RNF157: variants seen among roughly 807,000 people sequenced by gnomAD.
RNF157 encodes the protein ring finger protein 157, also known as E3 ubiquitin ligase RNF157.
Under a neutral mutation model 88.3 loss-of-function variants are expected in RNF157, and 55 were observed. The ratio of observed to expected loss-of-function variants is 0.62; its 90% CI spans 0.50 to 0.78. The LOEUF (loss-of-function observed/expected upper bound fraction) is 0.78. RNF157 is among the 30% of genes least tolerant of loss of function. The pLI, the probability that RNF157 is intolerant of heterozygous loss-of-function variation, is 0.00. For synonymous variants in RNF157, 334 were observed against 341.2 expected (o/e 0.98, Z 0.23); for missense variants, 788 against 860.8 (o/e 0.92, Z 1.06).
chr17:76,192,733 G>T (rs974735627), intron 2 of RNF157, among the ~76,000 whole-genome samples: 18 of 152,164 alleles, frequency 1.2e-4, no homozygotes, highest in African/African-American at 4.3e-4. Context: ...TTCTGCCAGT[G>T]AGTTGTATGA....
intron 2 of RNF157, among the ~76,000 whole-genome samples, chr17:76,202,128 T>TCTCTCTCTCTCTCACACACA (rs1250661867): frequency 7.4e-6 from 1 of 134,602 alleles, no homozygotes; most frequent in African/African-American, 3.1e-5. Context: ...TCTCTCTCTC[T>TCTCTCTCTCTCTCACACACA]CACACACACA....
At chr17:76,178,448 C>T (rs1032835462) in intron 2 of RNF157, among the ~76,000 whole-genome samples, 6 of 152,256 alleles carry the variant, frequency 3.9e-5, no homozygotes, top group Non-Finnish European at 7.3e-5. Flanking sequence ...CTCTCGCTCA[C>T]ACACCCCTTG....
intron 2 of RNF157, among the ~76,000 whole-genome samples, chr17:76,193,161 A>T (rs931275415): frequency 5.9e-5 from 9 of 152,134 alleles, no homozygotes; most frequent in African/African-American, 1.9e-4. Flanking sequence ...ATAACTTAAC[A>T]TCTCTGAGCA....
At position 76,240,083 on chromosome 17, in the gene RNF157, G is replaced by A. The variant is rs1359478080; in HGVS notation, c.88+70C>T. 4 of 982,160 alleles carry A rather than the reference G, an allele frequency of 4.1e-6. No individual in the cohort carries two copies. In the East Asian group the frequency reaches 1.1e-4, roughly 27 times the overall value. The allele number at this position is 982,160 out of a possible 1,614,324, so 60.8% of individuals were successfully genotyped here. ...CCGAAGACCCGCGGGGCCCCCTCAGGCCGTCCCGACCCAGACCCCTGCCCC... is the reference window on the plus strand; with the variant it reads ...CCGAAGACCCGCGGGGCCCCCTCAGACCGTCCCGACCCAGACCCCTGCCCC... On this transcript the variant is annotated intron_variant, in intron 1 of 18. Coordinates refer to ENST00000269391, the MANE Select transcript of RNF157 (RefSeq NM_052916.3). This position sits in a 1 kb window ranked among gnomAD's most constrained non-coding sequence, Gnocchi z 4.4.
intron 16 of RNF157, 119 bp downstream of exon 16, chr17:76,155,133 C>A: frequency 1.2e-6 from 1 of 811,088 alleles, no homozygotes; most frequent in South Asian, 1.5e-5. Flanking sequence ...CTAGGCATGT[C>A]CCCTAGGAAG....
rs569288646 is a variant in RNF157, at chr17:76,240,098, A to ACCCCTG, written c.88+49_88+54dup. ...GCCCCCTCAGGCCGTCCCGACCCAG[A>ACCCCTG]CCCCTGCCCCTGCCCCTCTCCCTCC... On this transcript the variant is annotated intron_variant, in intron 1 of 18. Coordinates refer to ENST00000269391, the MANE Select transcript of RNF157 (RefSeq NM_052916.3). The surrounding 1 kb of genome is among the most constrained non-coding windows in gnomAD (Gnocchi z 4.4). The ACCCCTG allele has an allele frequency of 1.8e-3, 1,964 of 1,109,506 alleles. 9 individuals are homozygous for ACCCCTG. The highest frequency in any genetic ancestry group is 0.011 in the African/African-American group (654 of 60,762). 68.7% of individuals were successfully genotyped at this position (1,109,506 alleles called of 1,614,324 possible).
intron 2 of RNF157, among the ~76,000 whole-genome samples, chr17:76,186,130 A>C (rs1230540549): frequency 1.3e-5 from 2 of 152,166 alleles, no homozygotes. Context: ...TCAAAAATAA[A>C]AAATAAGAAA....
intron 2 of RNF157, among the ~76,000 whole-genome samples, chr17:76,191,031 A>G (rs998300740): frequency 6.6e-6 from 1 of 152,032 alleles, no homozygotes; most frequent in African/African-American, 2.4e-5. Flanking sequence ...ACAAAAAGAA[A>G]AAAAAAAAAG....
At chr17:76,177,529 G>T (rs1042918945) in intron 2 of RNF157, among the ~76,000 whole-genome samples, 1 of 151,894 alleles carries the variant, frequency 6.6e-6, no homozygotes, top group Admixed American at 6.6e-5. Flanking sequence ...GAAGGGGAAG[G>T]GGGAGAGGCG....
intron 5 of RNF157, 138 bp from the exon 6 acceptor site, chr17:76,166,665 C>T: frequency 1.4e-6 from 1 of 736,496 alleles, no homozygotes; most frequent in Non-Finnish European, 2.2e-6. Flanking sequence ...TGTTAATTAC[C>T]CAAGTTTGTT....
intron 1 of RNF157, among the ~76,000 whole-genome samples, chr17:76,222,013 G>C (rs1305296932): frequency 6.6e-6 from 1 of 152,162 alleles, no homozygotes; most frequent in Admixed American, 6.6e-5. Flanking sequence ...GGGGATGGGG[G>C]CAGGGGAGAG....
chr17:76,182,297 T>C (rs563539424), intron 2 of RNF157, among the ~76,000 whole-genome samples: 2 of 152,310 alleles, frequency 1.3e-5, no homozygotes, highest in East Asian at 3.9e-4. Flanking sequence ...CTCTTTGGCT[T>C]TTGACCCTGG....
chr17:76,201,871 T>C (rs1598425879), intron 2 of RNF157, among the ~76,000 whole-genome samples: 1 of 152,122 alleles, frequency 6.6e-6, no homozygotes, highest in East Asian at 1.9e-4. Context: ...TATTTTCTAA[T>C]TTTGCACTAC....
rs146163864 is a variant in RNF157, at chr17:76,167,076, C to T, written c.494G>A (p.Arg165Gln). ...CAGGCAGAACTGCTGACACACTCCT[C>T]GCTTGTACTGCACAGTCTCCGACTG... ...SLQSETVQYK[R>Q]GVCQQFCLPS... The change falls in exon 5 of 19, where the codon CGA (arginine) becomes CAA (glutamine). Residue 165 changes from arginine (R) to glutamine (Q), a missense_variant. Transcript: ENST00000269391. 236 of 1,613,336 alleles carry T rather than the reference C, an allele frequency of 1.5e-4. No individual in the cohort carries two copies. The African/African-American group carries it at 2.7e-3, about 19-fold the overall frequency.
chr17:76,225,414 A>G (rs908941319), intron 1 of RNF157, among the ~76,000 whole-genome samples: 4 of 152,206 alleles, frequency 2.6e-5, no homozygotes, highest in African/African-American at 4.8e-5. Flanking sequence ...ACCCTACTCC[A>G]TAAGAAGTAA....
chr17:76,164,660 A>G, intron 8 of RNF157, 88 bp downstream of exon 8: 1 of 776,814 alleles, frequency 1.3e-6, no homozygotes, highest in Admixed American at 2.9e-5. Context: ...AAACAAAAAT[A>G]AAAAAAGAGG....
rs1277012834 is a variant in RNF157 at position 76,161,485 on chromosome 17, G to C, written c.1065+50C>G. The C allele has an allele frequency of 1.6e-5, 22 of 1,362,032 alleles. No individual in the cohort carries two copies. Among genetic ancestry groups the C allele is most frequent in the Non-Finnish European group, 2.3e-5 (22 of 950,488 alleles). 84.4% of individuals were successfully genotyped at this position (1,362,032 alleles called of 1,614,324 possible). A position where few individuals can be genotyped will look rare whatever the true frequency, so the allele number is the denominator to read the frequency against. Reference sequence around the variant, plus strand: ...AGAGAAGCATGAAAAGTTTAAAAAAGCCAATGAGGCATTTGCTTCAGAGGG... The same window carrying C: ...AGAGAAGCATGAAAAGTTTAAAAAACCCAATGAGGCATTTGCTTCAGAGGG... On this transcript the variant is annotated intron_variant, in intron 11 of 18. Coordinates refer to ENST00000269391, the MANE Select transcript of RNF157 (RefSeq NM_052916.3). This position sits in a 1 kb window ranked among gnomAD's most constrained non-coding sequence, Gnocchi z 4.6.
chr17:76,156,406 G>A, intron 13 of RNF157, 85 bp from the exon 14 acceptor site: 1 of 1,580,524 alleles, frequency 6.3e-7, no homozygotes, highest in Non-Finnish European at 8.6e-7. Context: ...GGAGGTCTGG[G>A]TAGAGATGAG....
chr17:76,227,742 T>C (rs199811091), intron 1 of RNF157, among the ~76,000 whole-genome samples: 1 of 151,944 alleles, frequency 6.6e-6, no homozygotes, highest in East Asian at 1.9e-4. Context: ...CCGGGCGTGG[T>C]GATGCAGGCC....
Sources: gnomAD v4.1 joint callset for allele counts (sites outside exome capture counted in the v4.1 genomes callset) on GRCh38, gnomAD v4.1.1 for gene constraint, Gnocchi (gnomAD v3.1) non-coding constraint, MANE v1.5 for transcripts, NCBI Gene and HGNC (gene_info 2026-07-23, HGNC 2026-07-21) for gene names.